CUEDC1: variants seen among roughly 807,000 people sequenced by gnomAD.
The protein encoded by CUEDC1 is CUE domain containing 1.
A neutral mutation model predicts 43.7 loss-of-function variants in CUEDC1; 30 were observed. That is an observed-to-expected ratio of 0.69 (90% CI 0.51 to 0.93). CUEDC1 has a LOEUF of 0.93. CUEDC1 is among the 40% of genes least tolerant of loss of function. The pLI, the probability that CUEDC1 is intolerant of heterozygous loss-of-function variation, is 0.00. For missense variants in CUEDC1, 486 were observed against 549.0 expected, an observed-to-expected ratio of 0.89 and a Z score of 1.15; for synonymous variants, 223 against 223.6, an observed-to-expected ratio of 1.00 and a Z score of 0.02.
intron 1 of CUEDC1, among the ~76,000 whole-genome samples, chr17:57,947,524 C>G (rs948043516): frequency 2.0e-5 from 3 of 152,146 alleles, no homozygotes; most frequent in African/African-American, 7.2e-5. Flanking sequence ...TCGAGCCAGG[C>G]ACGGTGGCTC....
chr17:57,940,699 C>A (rs2074909366), intron 1 of CUEDC1, among the ~76,000 whole-genome samples: 1 of 152,228 alleles, frequency 6.6e-6, no homozygotes, highest in African/African-American at 2.4e-5. Context: ...CAGGATGCTG[C>A]ATTCATTTGT....
In CUEDC1 at chr17:57,879,606, C is replaced by A; in HGVS notation, c.464+5G>T. On this transcript the variant is annotated splice_donor_5th_base_variant and intron_variant, in intron 3 of 10. Coordinates refer to ENST00000577830, the MANE Select transcript of CUEDC1 (RefSeq NM_001271875.2). ...CCTGTGCTCTGAGACATGACAGATTCTCACCGGGGAGGCGGAGTCGGGGGA... is the reference window on the plus strand; with the variant it reads ...CCTGTGCTCTGAGACATGACAGATTATCACCGGGGAGGCGGAGTCGGGGGA... 6.3e-7 allele frequency: 1 copy of A among 1,586,784 alleles called. No individual in the cohort carries two copies. Among genetic ancestry groups the A allele is most frequent in the Non-Finnish European group, 8.5e-7 (1 of 1,171,210 alleles).
chr17:57,882,951 TAA>T (rs1383235577), intron 2 of CUEDC1, among the ~76,000 whole-genome samples: 1 of 152,170 alleles, frequency 6.6e-6, no homozygotes, highest in Non-Finnish European at 1.5e-5. Context: ...AAAGTTATAT[TAA>T]AAAGTGGATT....
intron 1 of CUEDC1, among the ~76,000 whole-genome samples, chr17:57,909,892 G>A (rs2074565812): frequency 6.6e-6 from 1 of 152,242 alleles, no homozygotes; most frequent in Non-Finnish European, 1.5e-5. Context: ...CAGCAGGTAA[G>A]TGCATATCAA....
chr17:57,916,568 G>A (rs1567716510), intron 1 of CUEDC1, among the ~76,000 whole-genome samples: 1 of 152,234 alleles, frequency 6.6e-6, no homozygotes, highest in Non-Finnish European at 1.5e-5. Context: ...TCCCAGGCCA[G>A]TGTGATCGAT....
At chr17:57,884,172 A>G (rs1212467683) in intron 2 of CUEDC1, among the ~76,000 whole-genome samples, 1 of 149,262 alleles carries the variant, frequency 6.7e-6, no homozygotes, top group Non-Finnish European at 1.5e-5. Context: ...CCCAGGATAC[A>G]GCCGCACTCT....
At chr17:57,899,313 A>G (rs2074446425) in intron 1 of CUEDC1, among the ~76,000 whole-genome samples, 1 of 152,154 alleles carries the variant, frequency 6.6e-6, no homozygotes. Context: ...CCGCCTGTGT[A>G]GCAGCAGCGA....
At chr17:57,906,973 C>CAAAAAA (rs71143215) in intron 1 of CUEDC1, among the ~76,000 whole-genome samples, 59 of 80,856 alleles carry the variant, frequency 7.3e-4, no homozygotes, top group African/African-American at 2.3e-3. Flanking sequence ...CTCTGCCTCA[C>CAAAAAA]AAAAAAAAAA....
At chr17:57,884,424 C>T (rs2144963211) in intron 2 of CUEDC1, among the ~76,000 whole-genome samples, 1 of 152,044 alleles carries the variant, frequency 6.6e-6, no homozygotes, top group East Asian at 1.9e-4. Context: ...TCTCGAACTC[C>T]TGAACTCATG....
At chr17:57,944,553 A>T (rs964955201) in intron 1 of CUEDC1, among the ~76,000 whole-genome samples, 1 of 152,212 alleles carries the variant, frequency 6.6e-6, no homozygotes, top group Non-Finnish European at 1.5e-5. Flanking sequence ...TGCCACAGAG[A>T]TTATTCTTAC....
chr17:57,895,937 G>T (rs2074403146), intron 1 of CUEDC1, among the ~76,000 whole-genome samples: 4 of 152,228 alleles, frequency 2.6e-5, no homozygotes. Flanking sequence ...AGGCAGTCAG[G>T]CTGAAGGCCC....
chr17:57,950,522 GA>G (rs2074997114), intron 1 of CUEDC1, among the ~76,000 whole-genome samples: 2 of 151,138 alleles, frequency 1.3e-5, no homozygotes, highest in Admixed American at 6.6e-5. Flanking sequence ...GCCCAGGCTG[GA>G]GTGTAACGCT....
chr17:57,955,277 G>C lies in CUEDC1; in HGVS notation c.-368C>G, dbSNP rs1451236975. 6.8e-6 allele frequency: 1 copy of C among 147,164 alleles called. No homozygotes were observed. The highest frequency in any genetic ancestry group is 1.5e-5 in the Non-Finnish European group (1 of 65,722). The allele number at this position is 147,164 out of a possible 1,614,324, so 9.1% of individuals were successfully genotyped here. On this transcript the variant is annotated 5_prime_UTR_variant, in exon 1 of 11. Transcript: ENST00000577830. The surrounding 1 kb of genome is among the most constrained non-coding windows in gnomAD (Gnocchi z 5.3). The stretch of plus-strand genomic sequence containing the variant: ...CGCGGGCCGCAGGGGCCGGGCCGCG[G>C]GCCGGGCGGGGGAGGGGCTGCAATC...
chr17:57,871,394 T>C, intron 5 of CUEDC1, 25 bp from the exon 6 acceptor site: 1 of 1,604,962 alleles, frequency 6.2e-7, no homozygotes, highest in Non-Finnish European at 8.5e-7. Flanking sequence ...CATTCACAGG[T>C]CAGGGAGGTT....
In CUEDC1 at chr17:57,910,541, C is replaced by T. The variant is rs888494146; in HGVS notation, c.-315-24662G>A. Among the ~76,000 whole-genome samples the T allele has an allele frequency of 4.0e-5, 6 of 151,492 alleles. No individual in the cohort carries two copies. In the East Asian group the frequency reaches 9.7e-4, roughly 25 times the overall value. ...CTTTGGGAGGCCGGGGCAGGAGGAT[C>T]GCTTGAGCCCAGGTGTCTGAGACCA... On this transcript the variant is annotated intron_variant, in intron 1 of 10. Transcript: ENST00000577830.
At chr17:57,884,449 G>A (rs970680733) in intron 2 of CUEDC1, among the ~76,000 whole-genome samples, 6 of 151,936 alleles carry the variant, frequency 3.9e-5, no homozygotes, top group Non-Finnish European at 5.9e-5. Context: ...ACCTGCCTCG[G>A]CCTCCCAAAG....
chr17:57,926,379 G>T (rs1050948359), intron 1 of CUEDC1, among the ~76,000 whole-genome samples: 1 of 152,118 alleles, frequency 6.6e-6, no homozygotes, highest in Non-Finnish European at 1.5e-5. Flanking sequence ...CAGACTAGCC[G>T]GATCTTGTCC....
At chr17:57,919,784 G>A (rs778027019) in intron 1 of CUEDC1, among the ~76,000 whole-genome samples, 1 of 152,162 alleles carries the variant, frequency 6.6e-6, no homozygotes, top group Non-Finnish European at 1.5e-5. Context: ...CTAAGTACAT[G>A]GAGATAATAC....
chr17:57,867,048 C>T, intron 9 of CUEDC1: 1 of 478,196 alleles, frequency 2.1e-6, no homozygotes. Flanking sequence ...CGAGGGTCCC[C>T]CATGGGGGCA....
Sources: allele counts gnomAD v4.1 joint callset (sites outside exome capture counted in the v4.1 genomes callset), GRCh38; gene constraint gnomAD v4.1.1; non-coding constraint Gnocchi (gnomAD v3.1); transcripts MANE v1.5; gene names NCBI Gene and HGNC (gene_info 2026-07-23, HGNC 2026-07-21).